Variants in USP32 observed in about 807,000 individuals in gnomAD.
USP32 encodes ubiquitin specific peptidase 32, also known as ubiquitin carboxyl-terminal hydrolase 32.
A neutral mutation model predicts 204.8 loss-of-function variants in USP32; 59 were observed. The ratio of observed to expected loss-of-function variants is 0.29; its 90% CI spans 0.23 to 0.36. USP32 has a LOEUF of 0.36. Ranked by LOEUF, USP32 falls within the 10% of genes least tolerant of loss-of-function variation. USP32 has a pLI of 1.00. For synonymous variants in USP32, 517 were observed against 678.4 expected (o/e 0.76, Z 3.70); for missense variants, 1,160 against 1,946.4 (o/e 0.60, Z 7.60).
At chr17:60,222,267 T>C in intron 15 of USP32, 142 bp downstream of exon 15, 1 of 908,578 alleles carries the variant, frequency 1.1e-6, no homozygotes, top group Admixed American at 2.5e-5. Flanking sequence ...AACTTAACAT[T>C]GAACAATCCA....
At chr17:60,282,967 A>T (rs2087006281) in intron 5 of USP32, among the ~76,000 whole-genome samples, 1 of 152,254 alleles carries the variant, frequency 6.6e-6, no homozygotes, top group South Asian at 2.1e-4. Context: ...GTGGGGGTAA[A>T]CAAAATCATT....
chr17:60,300,339 C>T (rs1412355559), intron 3 of USP32, among the ~76,000 whole-genome samples: 2 of 151,846 alleles, frequency 1.3e-5, no homozygotes, highest in East Asian at 1.9e-4. Context: ...AATGAATGAA[C>T]TTTTTAAAAG....
chr17:60,279,750 T>C (rs1307031294), intron 5 of USP32, among the ~76,000 whole-genome samples: 3 of 151,116 alleles, frequency 2.0e-5, no homozygotes, highest in Non-Finnish European at 4.4e-5. Context: ...GGTGGGGGGA[T>C]CACTTAAGCC....
rs549668284 is a variant in USP32 at position 60,261,894 on chromosome 17, G to A, written c.990+3518C>T. 3.6e-3 allele frequency among the ~76,000 whole-genome samples: 545 copies of A among 152,068 alleles called. 1 individual carries two copies. Among genetic ancestry groups the A allele is most frequent in the Admixed American group, 5.8e-3 (88 of 15,274 alleles). On this transcript the variant is annotated intron_variant, in intron 9 of 33. Coordinates refer to ENST00000300896, the MANE Select transcript of USP32 (RefSeq NM_032582.4). ...AAAGATATGTTAATACTGTCCAAAA[G>A]GAAAGAAACGTCATGAAAAGAAATA...
At chr17:60,288,312 T>C (rs760638356) in intron 5 of USP32, among the ~76,000 whole-genome samples, 2 of 150,894 alleles carry the variant, frequency 1.3e-5, no homozygotes, top group Non-Finnish European at 3.0e-5. Flanking sequence ...TGGTGGCGAG[T>C]GCCTGTAGTC....
chr17:60,415,601 G>C (rs1478285891), intron 1 of USP32, among the ~76,000 whole-genome samples: 1 of 152,138 alleles, frequency 6.6e-6, no homozygotes, highest in Non-Finnish European at 1.5e-5. Flanking sequence ...TAAGCCCATT[G>C]GTGGATTAAG....
intron 1 of USP32, among the ~76,000 whole-genome samples, chr17:60,386,518 C>G (rs935471679): frequency 6.6e-6 from 1 of 152,148 alleles, no homozygotes; most frequent in Non-Finnish European, 1.5e-5. Context: ...TCCAATGATC[C>G]AAGCATGTAA....
rs12939468 is a variant in USP32, at chr17:60,414,022, G to T, written c.106+8224C>A. On this transcript the variant is annotated intron_variant, in intron 1 of 3. Coordinates refer to the USP32 transcript ENST00000588898. ...TATCTGAGGTCCATGTGCTAGCAGA[G>T]TAGGATGTGGGTCCGGGTTTCTGAA... 1.2e-3 allele frequency among the ~76,000 whole-genome samples: 188 copies of T among 152,194 alleles called. 1 individual carries two copies. Among genetic ancestry groups the T allele is most frequent in the African/African-American group, 4.4e-3 (183 of 41,542 alleles).
chr17:60,321,193 G>A (rs951697243), intron 2 of USP32, among the ~76,000 whole-genome samples: 1 of 152,140 alleles, frequency 6.6e-6, no homozygotes, highest in Non-Finnish European at 1.5e-5. Context: ...ATGGATATAA[G>A]CCTAAATTGC....
intron 2 of USP32, among the ~76,000 whole-genome samples, chr17:60,319,071 G>A (rs770145909): frequency 2.0e-5 from 3 of 152,130 alleles, no homozygotes; most frequent in Non-Finnish European, 1.5e-5. Context: ...AGTTGACTGC[G>A]TGTTATGAGG....
At chr17:60,353,893 G>C (rs1220209948) in intron 1 of USP32, among the ~76,000 whole-genome samples, 1 of 152,218 alleles carries the variant, frequency 6.6e-6, no homozygotes, top group East Asian at 1.9e-4. Flanking sequence ...AACGCTCATT[G>C]TCATGCTCTA....
chr17:60,405,594 G>A (rs1313287976), intron 1 of USP32, among the ~76,000 whole-genome samples: 3 of 151,900 alleles, frequency 2.0e-5, no homozygotes, highest in Non-Finnish European at 4.4e-5. Flanking sequence ...AAACCCCATC[G>A]CTACAAAAAT....
chr17:60,252,250 A>G, intron 11 of USP32, 131 bp downstream of exon 11: 3 of 764,208 alleles, frequency 3.9e-6, no homozygotes, highest in Non-Finnish European at 6.2e-6. Context: ...CTTTAACAAA[A>G]ATATTTCAAT....
chr17:60,211,584 T>C, intron 19 of USP32, 70 bp from the exon 20 acceptor site: 1 of 1,518,312 alleles, frequency 6.6e-7, no homozygotes, highest in Non-Finnish European at 8.8e-7. Context: ...GTTACTTATA[T>C]TCAATGAAAA....
intron 5 of USP32, among the ~76,000 whole-genome samples, chr17:60,279,837 AAATAATAATAATAATT>A (rs2086925238): frequency 6.7e-6 from 1 of 149,908 alleles, no homozygotes; most frequent in South Asian, 2.1e-4. Context: ...AGCCTGTCTC[AAATAATAATAATAATT>A]AATAATAATA....
chr17:60,419,962 C>T (rs1598327861), intron 1 of USP32, among the ~76,000 whole-genome samples: 5 of 148,732 alleles, frequency 3.4e-5, no homozygotes, highest in Non-Finnish European at 3.0e-5. Context: ...CGAGTTCAAG[C>T]GATTCTCCTG....
chr17:60,295,411 C>A (rs771849065), intron 3 of USP32, among the ~76,000 whole-genome samples: 2 of 152,034 alleles, frequency 1.3e-5, no homozygotes, highest in Non-Finnish European at 2.9e-5. Context: ...ACAGTAGTAC[C>A]CCCTTATCCA....
chr17:60,409,358 AC>A (rs1339333215), intron 1 of USP32, among the ~76,000 whole-genome samples: 11 of 152,310 alleles, frequency 7.2e-5, no homozygotes, highest in African/African-American at 2.6e-4. Flanking sequence ...AAAAACAAAA[AC>A]AAAACTTTTC....
rs545881551 is a variant in USP32 at position 60,221,145 on chromosome 17, G to C, written c.1749+1264C>G. The stretch of plus-strand genomic sequence containing the variant: ...GCAGTGGCTCATGCCTGTAATACCA[G>C]CACTTTGGGAGGCCAAGGCAGAAGG... On this transcript the variant is annotated intron_variant, in intron 15 of 33. Coordinates refer to ENST00000300896, the MANE Select transcript of USP32 (RefSeq NM_032582.4). Among the ~76,000 whole-genome samples the C allele has an allele frequency of 2.2e-3, 328 of 151,986 alleles. 4 individuals carry two copies. Among genetic ancestry groups the C allele is most frequent in the African/African-American group, 7.5e-3 (310 of 41,470 alleles).
Sources: gnomAD v4.1 joint callset for allele counts (sites outside exome capture counted in the v4.1 genomes callset) on GRCh38, gnomAD v4.1.1 for gene constraint, MANE v1.5 for transcripts, NCBI Gene and HGNC (gene_info 2026-07-23, HGNC 2026-07-21) for gene names.